Variants in SGCD observed in about 807,000 individuals in gnomAD.
The protein encoded by SGCD is delta-sarcoglycan.
Under a neutral mutation model 36.6 loss-of-function variants are expected in SGCD, and 18 were observed. That is an observed-to-expected ratio of 0.49 (90% confidence interval 0.34 to 0.73). The LOEUF is 0.73. Ranked by LOEUF, SGCD falls within the 30% of genes least tolerant of loss-of-function variation. The probability of loss-of-function intolerance (pLI) is 0.01; values close to 1 mark genes in which losing one functional copy is unlikely to be tolerated. For missense variants in SGCD, 387 were observed against 346.7 expected (o/e 1.12, Z -0.92); for synonymous variants, 133 against 130.6 (o/e 1.02, Z -0.12).
At chr5:156,030,948 GA>G (rs776569570) in intron 1 of SGCD, among the ~76,000 whole-genome samples, 2 of 152,300 alleles carry the variant, frequency 1.3e-5, no homozygotes, top group Admixed American at 6.5e-5. Context: ...AAAAGTAGTG[GA>G]AAATGAGCCT....
At chr5:156,673,926 C>T (rs1029568359) in intron 7 of SGCD, among the ~76,000 whole-genome samples, 3 of 152,196 alleles carry the variant, frequency 2.0e-5, no homozygotes, top group African/African-American at 7.2e-5. Flanking sequence ...AAAGTGTTGA[C>T]ACCTTCCTAA....
chr5:155,970,665 A>T (rs1435149232), intron 1 of SGCD, among the ~76,000 whole-genome samples: 1 of 152,166 alleles, frequency 6.6e-6, no homozygotes, highest in Non-Finnish European at 1.5e-5. Flanking sequence ...TCATTTGAGT[A>T]GTGATATTAG....
chr5:155,883,559 CACA>C (rs1271067545), intron 1 of SGCD, among the ~76,000 whole-genome samples: 1 of 151,972 alleles, frequency 6.6e-6, no homozygotes, highest in African/African-American at 2.4e-5. Context: ...TGGAACAGTT[CACA>C]ACATTTATGG....
chr5:156,384,301 A>G (rs1156754100), intron 3 of SGCD, among the ~76,000 whole-genome samples: 2 of 152,154 alleles, frequency 1.3e-5, no homozygotes, highest in Non-Finnish European at 2.9e-5. Flanking sequence ...CTTAATATAA[A>G]TCCCTTCTTC....
At chr5:156,758,783 T>C (rs950902763) in intron 8 of SGCD, among the ~76,000 whole-genome samples, 1 of 146,416 alleles carries the variant, frequency 6.8e-6, no homozygotes, top group African/African-American at 2.7e-5. Flanking sequence ...CATAAATTGT[T>C]AGAAAAAAAA....
intron 3 of SGCD, among the ~76,000 whole-genome samples, chr5:156,210,113 G>A (rs1467662962): frequency 6.6e-6 from 1 of 152,074 alleles, no homozygotes; most frequent in Non-Finnish European, 1.5e-5. Flanking sequence ...CAATAAAAAG[G>A]TGGACTCCTA....
Position 156,234,020 on chromosome 5 carries a change from A to T in SGCD, c.-43-95514A>T, listed in dbSNP as rs530275821. ...TTTACATTCTCATCAGCAGTGAATG[A>T]GAATTCCCATTGCTCTACATCCTTG... On this transcript the variant is annotated intron_variant, in intron 3 of 9. Coordinates refer to the SGCD transcript ENST00000517913. Among the ~76,000 whole-genome samples, 44 of 152,362 alleles carry T rather than the reference A, an allele frequency of 2.9e-4. 1 individual carries two copies. In the South Asian group the frequency reaches 8.7e-3, roughly 30 times the overall value.
intron 3 of SGCD, among the ~76,000 whole-genome samples, chr5:156,235,810 C>G (rs986460291): frequency 6.6e-6 from 1 of 152,120 alleles, no homozygotes; most frequent in Non-Finnish European, 1.5e-5. Context: ...TTTTATTTCC[C>G]TAAGTTCTCT....
intron 1 of SGCD, among the ~76,000 whole-genome samples, chr5:156,008,988 G>A (rs1300818192): frequency 6.6e-6 from 1 of 152,164 alleles, no homozygotes; most frequent in Non-Finnish European, 1.5e-5. Flanking sequence ...GGTATCTGAA[G>A]TTAATAAGAA....
chr5:155,975,942 T>C (rs1758105589), intron 1 of SGCD, among the ~76,000 whole-genome samples: 1 of 152,134 alleles, frequency 6.6e-6, no homozygotes, highest in Non-Finnish European at 1.5e-5. Context: ...GTGTTATTTT[T>C]TCATTCTGTT....
intron 3 of SGCD, among the ~76,000 whole-genome samples, chr5:156,196,485 G>C (rs1334618846): frequency 6.6e-6 from 1 of 152,066 alleles, no homozygotes; most frequent in Non-Finnish European, 1.5e-5. Flanking sequence ...AATTTGTGCA[G>C]GTGTTTAATG....
the SGCD span, among the ~76,000 whole-genome samples, chr5:155,759,048 C>T: frequency 6.6e-6 from 1 of 151,606 alleles, no homozygotes; most frequent in Admixed American, 6.6e-5. Flanking sequence ...TGCTATATTG[C>T]CCAGGCTGGT....
intron 1 of SGCD, among the ~76,000 whole-genome samples, chr5:155,892,675 A>G (rs1422438122): frequency 2.0e-5 from 3 of 152,276 alleles, no homozygotes; most frequent in Admixed American, 2.0e-4. Flanking sequence ...AATGTTGGCA[A>G]CTAGTTTGCT....
chr5:156,044,085 G>T (rs1265843399), intron 1 of SGCD, among the ~76,000 whole-genome samples: 2 of 152,156 alleles, frequency 1.3e-5, no homozygotes, highest in Non-Finnish European at 2.9e-5. Context: ...GCTTTCAGAG[G>T]CAGGGGATGT....
intron 3 of SGCD, among the ~76,000 whole-genome samples, chr5:156,234,052 T>C (rs964180457): frequency 6.6e-6 from 1 of 152,194 alleles, no homozygotes; most frequent in African/African-American, 2.4e-5. Flanking sequence ...CTTGTCAGCA[T>C]TTGGTGTTGT....
intron 1 of SGCD, among the ~76,000 whole-genome samples, chr5:155,954,540 C>A (rs1162271759): frequency 6.7e-6 from 1 of 149,584 alleles, no homozygotes; most frequent in Admixed American, 6.7e-5. Context: ...TAAAAACTAT[C>A]ATTATGGGCA....
intron 6 of SGCD, among the ~76,000 whole-genome samples, chr5:156,629,097 G>C (rs952138279): frequency 5.9e-5 from 9 of 152,180 alleles, no homozygotes; most frequent in African/African-American, 2.2e-4. Context: ...AATGATGAGA[G>C]TATCTAAATG....
chr5:155,991,084 C>T (rs2127564747), intron 1 of SGCD, among the ~76,000 whole-genome samples: 1 of 152,264 alleles, frequency 6.6e-6, no homozygotes. Flanking sequence ...CTTGCCGTTC[C>T]AGGCCAATAC....
rs369469442 is a variant in SGCD at position 155,988,218 on chromosome 5, G to A, written c.-282+117794G>A. ...TTATTCCTGTGTATATTGCCTAATG[G>A]TCACAGGATGACTGCTGTAACTCCA... On this transcript the variant is annotated intron_variant, in intron 1 of 9. Transcript: ENST00000517913. Among the ~76,000 whole-genome samples the A allele has an allele frequency of 1.5e-3, 223 of 152,068 alleles. 3 individuals carry two copies. Among genetic ancestry groups the A allele is most frequent in the African/African-American group, 5.2e-3 (216 of 41,468 alleles).
Sources: gnomAD v4.1 joint callset for allele counts (sites outside exome capture counted in the v4.1 genomes callset) on GRCh38, gnomAD v4.1.1 for gene constraint, MANE v1.5 for transcripts, NCBI Gene and HGNC (gene_info 2026-07-23, HGNC 2026-07-21) for gene names.